The following ARHGAP40 variants were observed in gnomAD, a reference collection of about 807,000 sequenced individuals.
The protein encoded by ARHGAP40 is rho GTPase-activating protein 40.
A neutral mutation model predicts 73.5 loss-of-function variants in ARHGAP40; 43 were observed. The ratio of observed to expected loss-of-function variants is 0.58; its 90% confidence interval spans 0.46 to 0.75. ARHGAP40 has a LOEUF of 0.75. Among genes scored for constraint, ARHGAP40 ranks in the 30% least tolerant of loss-of-function variants. The probability of loss-of-function intolerance (pLI) is 0.00; values close to 1 mark genes in which losing one functional copy is unlikely to be tolerated. For missense variants in ARHGAP40, 734 were observed against 861.8 expected (o/e 0.85, Z 1.86); for synonymous variants, 300 against 352.8 (o/e 0.85, Z 1.68).
intron 13 of ARHGAP40, among the ~76,000 whole-genome samples, chr20:38,647,797 G>C (rs62201578): frequency 0.054 from 8,257 of 152,298 alleles, 329 homozygotes; most frequent in African/African-American, 0.11. Flanking sequence ...AAAGCAGATA[G>C]TCACGAATCA....
intron 1 of ARHGAP40, among the ~76,000 whole-genome samples, chr20:38,622,109 A>T (rs569431243): frequency 1.9e-3 from 276 of 148,704 alleles, no homozygotes; most frequent in Non-Finnish European, 2.1e-3. Flanking sequence ...ATATATATAT[A>T]TTTTTTTTTT....
At chr20:38,650,316 A>C (rs531854204) in exon 15 of ARHGAP40, 112 of 470,866 alleles carry the variant, frequency 2.4e-4, no homozygotes, top group African/African-American at 2.1e-3. Context: ...CTTTATCAAG[A>C]GGTAGTTGGG....
chr20:38,631,555 A>G (rs1384944300), intron 5 of ARHGAP40, among the ~76,000 whole-genome samples: 1 of 152,180 alleles, frequency 6.6e-6, no homozygotes, highest in Non-Finnish European at 1.5e-5. Flanking sequence ...CAGCCTGGGA[A>G]AGACCTGCCC....
intron 1 of ARHGAP40, among the ~76,000 whole-genome samples, chr20:38,603,539 A>T (rs1178504043): frequency 6.6e-6 from 1 of 151,672 alleles, no homozygotes; most frequent in Non-Finnish European, 1.5e-5. Flanking sequence ...TCATCTATCT[A>T]TGTTTCCTAT....
intron 8 of ARHGAP40, 123 bp downstream of exon 8, chr20:38,638,961 C>T (rs763870901): frequency 6.7e-5 from 67 of 997,164 alleles, no homozygotes; most frequent in Admixed American, 9.9e-5. Flanking sequence ...CTGTGTGGGT[C>T]GAGGGTTTGA....
At chr20:38,633,818 C>T (rs1350623167) in intron 5 of ARHGAP40, among the ~76,000 whole-genome samples, 1 of 152,160 alleles carries the variant, frequency 6.6e-6, no homozygotes, top group African/African-American at 2.4e-5. Flanking sequence ...CTCTAGATGG[C>T]ACGGTTGAGC....
At chr20:38,643,551 G>A (rs16987454) in intron 10 of ARHGAP40, among the ~76,000 whole-genome samples, 153 bp from the exon 11 acceptor site, 5,801 of 152,316 alleles carry the variant, frequency 0.038, 163 homozygotes, top group South Asian at 0.15. Context: ...GAGTGGGCCG[G>A]TGACACAGCT....
chr20:38,625,500 C>T (rs937360895), intron 2 of ARHGAP40, among the ~76,000 whole-genome samples: 2 of 152,170 alleles, frequency 1.3e-5, no homozygotes, highest in Non-Finnish European at 2.9e-5. Flanking sequence ...CCCACTGCAA[C>T]CTCCATCTCC....
chr20:38,603,214 T>C (rs2088746443), intron 1 of ARHGAP40, among the ~76,000 whole-genome samples: 2 of 152,188 alleles, frequency 1.3e-5, no homozygotes, highest in South Asian at 2.1e-4. Context: ...AACTGAGTCC[T>C]AGAATTCCCT....
At chr20:38,631,785 C>G (rs1397003020) in intron 5 of ARHGAP40, among the ~76,000 whole-genome samples, 1 of 152,150 alleles carries the variant, frequency 6.6e-6, no homozygotes, top group African/African-American at 2.4e-5. Context: ...AACCCCACCC[C>G]CTGCAGTAGC....
At chr20:38,618,891 G>A (rs1469332711) in intron 1 of ARHGAP40, among the ~76,000 whole-genome samples, 2 of 152,188 alleles carry the variant, frequency 1.3e-5, no homozygotes, top group Admixed American at 6.5e-5. Context: ...TCAAGGGGAG[G>A]AGACATAGGC....
intron 6 of ARHGAP40, among the ~76,000 whole-genome samples, chr20:38,636,268 T>A (rs34144034): frequency 0.36 from 53,566 of 150,636 alleles, 9,461 homozygotes; most frequent in Admixed American, 0.38. Context: ...TTATTTATTT[T>A]TTTTTTTTTT....
At chr20:38,620,595 C>CA (rs1196030152) in intron 1 of ARHGAP40, among the ~76,000 whole-genome samples, 1 of 152,222 alleles carries the variant, frequency 6.6e-6, no homozygotes, top group Non-Finnish European at 1.5e-5. Flanking sequence ...GCTGTGCCCC[C>CA]AGCATGGGGT....
At chr20:38,611,876 AC>A (rs1244667242) in intron 1 of ARHGAP40, among the ~76,000 whole-genome samples, 1 of 149,390 alleles carries the variant, frequency 6.7e-6, no homozygotes, top group African/African-American at 2.5e-5. Flanking sequence ...GCCTGGCCAC[AC>A]CCGGCTAATT....
At chr20:38,606,579 A>G (rs2088771612) in intron 1 of ARHGAP40, among the ~76,000 whole-genome samples, 1 of 152,214 alleles carries the variant, frequency 6.6e-6, no homozygotes, top group Admixed American at 6.5e-5. Context: ...GAGGCTGAGC[A>G]TCTTTTCACA....
In ARHGAP40 at chr20:38,637,979, T is replaced by C. The variant is rs192487902; in HGVS notation, c.1041+180T>C. 1.0e-3 allele frequency among the ~76,000 whole-genome samples: 154 copies of C among 151,888 alleles called. 1 individual carries two copies. The highest frequency in any genetic ancestry group is 2.0e-3 in the Non-Finnish European group (134 of 67,922). ...AGAGACCTGGGGTGGATTTTTGCTGTTGTTGTTGTTGTTGATGTTGTTGTT... is the reference window on the plus strand; with the variant it reads ...AGAGACCTGGGGTGGATTTTTGCTGCTGTTGTTGTTGTTGATGTTGTTGTT... On this transcript the variant is annotated intron_variant, in intron 7 of 14. Coordinates refer to ENST00000373345, the Ensembl canonical transcript of ARHGAP40.
chr20:38,650,068 A>G, exon 15 of ARHGAP40: 1 of 358,728 alleles, frequency 2.8e-6, no homozygotes, highest in Non-Finnish European at 5.5e-6. Flanking sequence ...CAGGGAGGGG[A>G]GGCCAACACT....
At chr20:38,640,389 T>G (rs1461832756) in intron 9 of ARHGAP40, among the ~76,000 whole-genome samples, 1 of 151,872 alleles carries the variant, frequency 6.6e-6, no homozygotes, top group Non-Finnish European at 1.5e-5. Context: ...GCATACTTGT[T>G]TAACATTTTT....
At chr20:38,642,252 T>C (rs2089023356) in intron 10 of ARHGAP40, among the ~76,000 whole-genome samples, 1 of 152,204 alleles carries the variant, frequency 6.6e-6, no homozygotes. Context: ...ATGGCACTGG[T>C]GTTCCATGCA....
Sources: allele counts gnomAD v4.1 joint callset (sites outside exome capture counted in the v4.1 genomes callset), GRCh38; gene constraint gnomAD v4.1.1; transcripts MANE v1.5; gene names NCBI Gene and HGNC (gene_info 2026-07-23, HGNC 2026-07-21).